CFAP20DC: variants seen among roughly 807,000 people sequenced by gnomAD.
CFAP20DC encodes the protein CFAP20 domain containing.
CFAP20DC carries 84 observed loss-of-function variants against 101.7 expected under a neutral mutation model. That is an observed-to-expected ratio of 0.83 (90% CI 0.69 to 0.99). CFAP20DC has a LOEUF of 0.99. Among genes scored for constraint, CFAP20DC ranks in the 50% least tolerant of loss-of-function variants. The pLI, the probability that CFAP20DC is intolerant of heterozygous loss-of-function variation, is 0.00. For synonymous variants in CFAP20DC, 359 were observed against 351.2 expected (o/e 1.02, Z -0.25); for missense variants, 1,007 against 970.3 (o/e 1.04, Z -0.50).
intron 6 of CFAP20DC, among the ~76,000 whole-genome samples, chr3:58,893,134 C>G (rs1023104620): frequency 9.9e-5 from 15 of 151,580 alleles, no homozygotes; most frequent in Non-Finnish European, 1.9e-4. Flanking sequence ...ATCTCTGCCT[C>G]CCGGGTTCAT....
intron 11 of CFAP20DC, 108 bp downstream of exon 11, chr3:58,866,458 T>A (rs1295834756): frequency 1.2e-6 from 1 of 858,726 alleles, no homozygotes; most frequent in African/African-American, 1.7e-5. Flanking sequence ...CTTACACATT[T>A]TAGCAAATCG....
At chr3:58,727,062 C>A in intron 3 of CFAP20DC, 1 of 248,214 alleles carries the variant, frequency 4.0e-6, no homozygotes, top group South Asian at 3.7e-5. Flanking sequence ...CACTTCCACT[C>A]ACACCATTAG....
intron 4 of CFAP20DC, among the ~76,000 whole-genome samples, chr3:58,987,849 T>C (rs77205837): frequency 0.14 from 21,284 of 151,880 alleles, 1,861 homozygotes; most frequent in Non-Finnish European, 0.2. Context: ...ATCTATCCAC[T>C]AAAAAGCACC....
At chr3:58,934,149 T>A (rs568960040) in intron 5 of CFAP20DC, among the ~76,000 whole-genome samples, 1 of 152,288 alleles carries the variant, frequency 6.6e-6, no homozygotes, top group East Asian at 1.9e-4. Flanking sequence ...AACACCTCTA[T>A]GCAAATAAAC....
At chr3:58,744,684 T>A (rs1257262898) in intron 16 of CFAP20DC, among the ~76,000 whole-genome samples, 2 of 151,942 alleles carry the variant, frequency 1.3e-5, no homozygotes, top group Non-Finnish European at 2.9e-5. Flanking sequence ...AAGGGTGGCA[T>A]AGGAGTGAGA....
At chr3:58,833,678 TA>T (rs907875845) in intron 13 of CFAP20DC, among the ~76,000 whole-genome samples, 9 of 152,190 alleles carry the variant, frequency 5.9e-5, no homozygotes, top group Non-Finnish European at 1.5e-5. Flanking sequence ...CTCAAAATGT[TA>T]AACATCTGAG....
chr3:58,853,579 T>C (rs1342526093), intron 12 of CFAP20DC, among the ~76,000 whole-genome samples: 1 of 151,692 alleles, frequency 6.6e-6, no homozygotes, highest in African/African-American at 2.4e-5. Flanking sequence ...GATGCAAAAA[T>C]CCTCAATAAA....
chr3:58,906,734 C>T (rs922015270), intron 6 of CFAP20DC, among the ~76,000 whole-genome samples: 1 of 152,040 alleles, frequency 6.6e-6, no homozygotes, highest in African/African-American at 2.4e-5. Flanking sequence ...CAAGACCAGC[C>T]TAGGGAACAT....
intron 4 of CFAP20DC, among the ~76,000 whole-genome samples, chr3:59,026,518 G>C (rs2093895974): frequency 6.6e-6 from 1 of 152,174 alleles, no homozygotes; most frequent in African/African-American, 2.4e-5. Flanking sequence ...AGGAAGAGTT[G>C]TGCATAGTTA....
chr3:58,851,303 A>G (rs2078209266), intron 12 of CFAP20DC, among the ~76,000 whole-genome samples: 1 of 152,204 alleles, frequency 6.6e-6, no homozygotes, highest in African/African-American at 2.4e-5. Flanking sequence ...GAGGCCAATC[A>G]GTAGACTATT....
chr3:58,843,411 C>G (rs2077330153), intron 13 of CFAP20DC, among the ~76,000 whole-genome samples: 1 of 151,832 alleles, frequency 6.6e-6, no homozygotes, highest in African/African-American at 2.4e-5. Flanking sequence ...GAAAGGGTAT[C>G]AGCAATGGAA....
intron 7 of CFAP20DC, among the ~76,000 whole-genome samples, chr3:58,881,814 T>C (rs931558654): frequency 2.0e-5 from 3 of 152,148 alleles, no homozygotes; most frequent in Non-Finnish European, 2.9e-5. Flanking sequence ...CAAAAACAAG[T>C]AGTTCAAATG....
intron 7 of CFAP20DC, 31 bp from the exon 8 acceptor site, chr3:58,870,340 C>T: frequency 6.2e-7 from 1 of 1,602,814 alleles, no homozygotes; most frequent in South Asian, 1.1e-5. Flanking sequence ...AATAATAGTC[C>T]ATTAATGGGT....
intron 7 of CFAP20DC, among the ~76,000 whole-genome samples, chr3:58,876,627 T>C (rs2080775573): frequency 6.6e-6 from 1 of 152,166 alleles, no homozygotes; most frequent in African/African-American, 2.4e-5. Flanking sequence ...AGTTAGATTG[T>C]AAAACCTGAG....
At position 58,762,988 on chromosome 3, in the gene CFAP20DC, A is replaced by G. The variant is rs546942150; in HGVS notation, c.2238-9125T>C. 1.1e-3 allele frequency among the ~76,000 whole-genome samples: 164 copies of G among 152,128 alleles called. 1 individual carries two copies. The highest frequency in any genetic ancestry group is 4.0e-3 in the Admixed American group (61 of 15,280). On this transcript the variant is annotated intron_variant, in intron 15 of 16. Transcript: ENST00000482387. ...CCTTAACATTTTTTCCTTCATTTCA[A>G]CTTTGGTGAATCTGACAATGATGTG...
chr3:58,786,559 C>T (rs1575636503), intron 15 of CFAP20DC, among the ~76,000 whole-genome samples: 1 of 152,026 alleles, frequency 6.6e-6, no homozygotes, highest in Non-Finnish European at 1.5e-5. Flanking sequence ...ACCTGAATCC[C>T]TTTTCTGGTG....
At chr3:58,822,421 A>C (rs1403782502) in intron 14 of CFAP20DC, among the ~76,000 whole-genome samples, 1 of 147,724 alleles carries the variant, frequency 6.8e-6, no homozygotes, top group African/African-American at 2.6e-5. Flanking sequence ...GGAATATCAC[A>C]CTCTGGGGAC....
chr3:58,721,519 G>A lies in CFAP20DC; in HGVS notation c.198-3891C>T, dbSNP rs1455528918. Among the ~76,000 whole-genome samples, 2 of 152,170 alleles carry A rather than the reference G, an allele frequency of 1.3e-5. No homozygotes were observed. The highest frequency in any genetic ancestry group is 2.9e-5 in the Non-Finnish European group (2 of 68,024). On this transcript the variant is annotated intron_variant, in intron 3 of 3. Transcript: ENST00000486145. The surrounding 1 kb of genome is among the most constrained non-coding windows in gnomAD (Gnocchi z 5.2). The stretch of plus-strand genomic sequence containing the variant: ...AAGCTGAGATCTGAAGGATACGGGG[G>A]CATTAATACATGCAACAGGGAAGGA...
chr3:59,047,020 A>G, intron 2 of CFAP20DC, 145 bp downstream of exon 2: 1 of 615,156 alleles, frequency 1.6e-6, no homozygotes, highest in South Asian at 2.0e-5. Flanking sequence ...GGTGTCCAGG[A>G]CAGCTGCAGC....
Sources: gnomAD v4.1 joint callset for allele counts (sites outside exome capture counted in the v4.1 genomes callset) on GRCh38, gnomAD v4.1.1 for gene constraint, Gnocchi (gnomAD v3.1) non-coding constraint, MANE v1.5 for transcripts, NCBI Gene and HGNC (gene_info 2026-07-23, HGNC 2026-07-21) for gene names.